Variants in PPP1R9A observed in about 807,000 individuals in gnomAD.
PPP1R9A encodes the protein protein phosphatase 1 regulatory subunit 9A, also known as neurabin-1.
A neutral mutation model predicts 141.9 loss-of-function variants in PPP1R9A; 59 were observed. The ratio of observed to expected loss-of-function variants is 0.42; its 90% CI spans 0.34 to 0.52. The LOEUF is 0.52. Ranked by LOEUF, PPP1R9A falls within the 20% of genes least tolerant of loss-of-function variation. The pLI is 0.10. For synonymous variants in PPP1R9A, 500 were observed against 569.7 expected, an observed-to-expected ratio of 0.88 and a Z score of 1.74; for missense variants, 1,444 against 1,611.9, an observed-to-expected ratio of 0.90 and a Z score of 1.78.
At chr7:95,063,572 T>A (rs6955323) in intron 2 of PPP1R9A, among the ~76,000 whole-genome samples, 4,217 of 152,044 alleles carry the variant, frequency 0.028, 172 homozygotes, top group African/African-American at 0.086. Flanking sequence ...TAAAAAAAAA[T>A]TTTAAATAAA....
intron 4 of PPP1R9A, among the ~76,000 whole-genome samples, chr7:95,145,560 G>T (rs1827451565): frequency 6.6e-6 from 1 of 152,160 alleles, no homozygotes; most frequent in Non-Finnish European, 1.5e-5. Context: ...AATGTCAGTG[G>T]TTTAAGTACA....
At chr7:95,278,224 G>A (rs547763171) in intron 16 of PPP1R9A, among the ~76,000 whole-genome samples, 12 of 152,232 alleles carry the variant, frequency 7.9e-5, no homozygotes, top group Admixed American at 3.9e-4. Flanking sequence ...TCACCTCTGC[G>A]TACACTGTCC....
chr7:95,220,785 G>A (rs1794308442), intron 7 of PPP1R9A, among the ~76,000 whole-genome samples: 1 of 152,070 alleles, frequency 6.6e-6, no homozygotes, highest in Non-Finnish European at 1.5e-5. Flanking sequence ...CTATACAGTG[G>A]GAGCATAAAG....
intron 5 of PPP1R9A, among the ~76,000 whole-genome samples, chr7:95,169,922 A>AT (rs1831853770): frequency 1.3e-5 from 2 of 151,904 alleles, no homozygotes; most frequent in Non-Finnish European, 2.9e-5. Flanking sequence ...ATTGAAACAG[A>AT]TCCAGCAATG....
At chr7:95,169,038 T>G (rs960389718) in intron 5 of PPP1R9A, among the ~76,000 whole-genome samples, 4 of 152,026 alleles carry the variant, frequency 2.6e-5, no homozygotes, top group Admixed American at 2.6e-4. Flanking sequence ...TACTAAGTGT[T>G]TATTTAAAGA....
At chr7:95,155,973 G>A (rs561567988) in intron 4 of PPP1R9A, 1 of 152,260 alleles carries the variant, frequency 6.6e-6, no homozygotes, top group African/African-American at 2.4e-5. Context: ...AGATTCTTGG[G>A]ATATTGTTTT....
chr7:95,055,612 A>G (rs1312718679), intron 2 of PPP1R9A, among the ~76,000 whole-genome samples: 1 of 152,108 alleles, frequency 6.6e-6, no homozygotes, highest in Non-Finnish European at 1.5e-5. Flanking sequence ...TGATCCCCAT[A>G]GCTTATTTGA....
chr7:95,108,253 T>C lies in PPP1R9A; in HGVS notation c.1396-3006T>C, dbSNP rs1441920190. On this transcript the variant is annotated intron_variant, in intron 2 of 19. Transcript: ENST00000433360. The stretch of plus-strand genomic sequence containing the variant: ...CTATAAGTAAGCTGAAGATGAAGAG[T>C]GTATTACATTATTTTCTTTTTCTTT... Among the ~76,000 whole-genome samples, 3 of 148,930 alleles carry C rather than the reference T, an allele frequency of 2.0e-5. No homozygotes were observed. In the Admixed American group the frequency reaches 2.0e-4, roughly 10 times the overall value.
chr7:94,989,781 A>G (rs1258244406), intron 2 of PPP1R9A, among the ~76,000 whole-genome samples: 4 of 152,234 alleles, frequency 2.6e-5, no homozygotes, highest in South Asian at 4.1e-4. Context: ...CTTATTTCTT[A>G]TACAGATTAT....
intron 2 of PPP1R9A, among the ~76,000 whole-genome samples, chr7:94,957,775 C>T (rs1797224444): frequency 1.3e-5 from 2 of 152,100 alleles, no homozygotes; most frequent in South Asian, 4.2e-4. Context: ...ACTGTACGAC[C>T]CCTTTCTTCA....
At chr7:95,070,593 G>GTGTATATATATATATATATATA (rs376992260) in intron 2 of PPP1R9A, among the ~76,000 whole-genome samples, 1 of 111,940 alleles carries the variant, frequency 8.9e-6, no homozygotes, top group African/African-American at 3.6e-5. Context: ...TAAATCTCTG[G>GTGTATATATATATATATATATA]TATATATATA....
chr7:94,933,322 A>G (rs921073822), intron 2 of PPP1R9A, among the ~76,000 whole-genome samples: 1 of 152,202 alleles, frequency 6.6e-6, no homozygotes, highest in African/African-American at 2.4e-5. Context: ...AATACAACCA[A>G]GGTGAAATTA....
intron 2 of PPP1R9A, among the ~76,000 whole-genome samples, chr7:95,094,274 A>G (rs1817727166): frequency 6.6e-6 from 1 of 152,164 alleles, no homozygotes; most frequent in Admixed American, 6.5e-5. Flanking sequence ...TAATATGGAG[A>G]AACTTAGGAG....
Position 95,258,016 on chromosome 7 carries a change from CT to C in PPP1R9A, c.2665+5889del, listed in dbSNP as rs1393928189. Among the ~76,000 whole-genome samples, 8 of 152,108 alleles carry C rather than the reference CT, an allele frequency of 5.3e-5. No homozygotes were observed. The East Asian group carries it at 1.2e-3, about 22-fold the overall frequency. On this transcript the variant is annotated intron_variant, in intron 12 of 19. Coordinates refer to ENST00000433360, the MANE Select transcript of PPP1R9A (RefSeq NM_001166160.2). ...CTTAATAGCAGCATGATTTATAATC[CT>C]TTGGGTATATACCCAGTAATGGGAT...
chr7:95,012,840 A>G (rs897923122), intron 2 of PPP1R9A, among the ~76,000 whole-genome samples: 1 of 152,206 alleles, frequency 6.6e-6, no homozygotes, highest in Non-Finnish European at 1.5e-5. Context: ...GAATCACTCA[A>G]TATGGATTGA....
chr7:94,962,981 A>G, intron 2 of PPP1R9A, among the ~76,000 whole-genome samples: 1 of 152,218 alleles, frequency 6.6e-6, no homozygotes, highest in South Asian at 2.1e-4. Flanking sequence ...CAGTAAAATG[A>G]CTTACTTTTA....
intron 2 of PPP1R9A, among the ~76,000 whole-genome samples, chr7:94,938,456 C>CT (rs144277990): frequency 0.014 from 2,084 of 149,154 alleles, 53 homozygotes; most frequent in African/African-American, 0.049. Flanking sequence ...AGAAGGTTTT[C>CT]TTTTTTTTTT....
chr7:95,091,261 A>G (rs1232007735), intron 2 of PPP1R9A, among the ~76,000 whole-genome samples: 2 of 151,330 alleles, frequency 1.3e-5, no homozygotes, highest in Non-Finnish European at 2.9e-5. Context: ...TTTGTCCCCC[A>G]GAAAGTTATG....
At chr7:95,006,863 A>T (rs1584240956) in intron 2 of PPP1R9A, among the ~76,000 whole-genome samples, 3 of 143,590 alleles carry the variant, frequency 2.1e-5, no homozygotes, top group Admixed American at 7.0e-5. Flanking sequence ...GGCCATAATA[A>T]TTTTTTTTTT....
Sources: gnomAD v4.1 joint callset for allele counts (sites outside exome capture counted in the v4.1 genomes callset) on GRCh38, gnomAD v4.1.1 for gene constraint, MANE v1.5 for transcripts, NCBI Gene and HGNC (gene_info 2026-07-23, HGNC 2026-07-21) for gene names.